AKAP8: variants seen among roughly 807,000 people sequenced by gnomAD.
AKAP8 encodes the protein A-kinase anchor protein 8.
In AKAP8, 24 loss-of-function variants were observed where a neutral mutation model predicts 67.5. The observed-to-expected ratio is 0.36, with a 90% CI of 0.26 to 0.50. The LOEUF (loss-of-function observed/expected upper bound fraction) is 0.50, where lower values mean the gene tolerates loss of function less well. Among genes scored for constraint, AKAP8 ranks in the 20% least tolerant of loss-of-function variants. AKAP8 has a pLI of 0.97. For synonymous variants in AKAP8, 400 were observed against 371.1 expected, an observed-to-expected ratio of 1.08 and a Z score of -0.90; for missense variants, 971 against 955.9, an observed-to-expected ratio of 1.02 and a Z score of -0.21.
At chr19:15,373,636 C>T (rs1967201042) in intron 4 of AKAP8, 150 bp downstream of exon 4, 19 of 1,065,920 alleles carry the variant, frequency 1.8e-5, no homozygotes, top group Admixed American at 2.9e-5. Context: ...CCTACTGTAA[C>T]ATCACTGACC....
intron 7 of AKAP8, among the ~76,000 whole-genome samples, chr19:15,370,632 T>TTC (rs1304926407): frequency 7.3e-6 from 1 of 137,748 alleles, no homozygotes; most frequent in East Asian, 2.2e-4. Flanking sequence ...TGTCTTTTTT[T>TTC]TTTTTTTTTT....
rs542980926 is a variant in AKAP8, at chr19:15,369,919, A to G, written c.1072+227T>C. On this transcript the variant is annotated intron_variant, in intron 8 of 13. Transcript: ENST00000269701. The surrounding 1 kb of genome is among the most constrained non-coding windows in gnomAD (Gnocchi z 4.6). ...GCCCCCCATCCCCACTGCAGCCCAC[A>G]TCGGGTCAGGCAGACAGACCCGTTT... is the stretch of plus-strand genomic sequence containing the variant. Among the ~76,000 whole-genome samples the G allele has an allele frequency of 1.9e-3, 292 of 152,284 alleles. 1 individual carries two copies. Among genetic ancestry groups the G allele is most frequent in the African/African-American group, 6.3e-3 (263 of 41,548 alleles).
chr19:15,376,476 CTG>C (rs1460064391), intron 2 of AKAP8, among the ~76,000 whole-genome samples: 5 of 151,902 alleles, frequency 3.3e-5, no homozygotes, highest in African/African-American at 4.8e-5. Flanking sequence ...GAGCAAGACT[CTG>C]TATCAAAAGA....
chr19:15,372,156 G>C (rs568948754), intron 6 of AKAP8, 62 bp downstream of exon 6: 1 of 1,608,890 alleles, frequency 6.2e-7, no homozygotes, highest in African/African-American at 1.3e-5. Context: ...GGCAAGCAGA[G>C]CCCCCAGCAG....
intron 1 of AKAP8, among the ~76,000 whole-genome samples, 196 bp from the exon 2 acceptor site, chr19:15,377,210 A>G (rs934115511): frequency 4.6e-5 from 7 of 152,148 alleles, no homozygotes; most frequent in Non-Finnish European, 8.8e-5. Flanking sequence ...CTGAGATCAA[A>G]GCAGAAAAAG....
At chr19:15,377,506 T>A (rs1442167578) in intron 1 of AKAP8, among the ~76,000 whole-genome samples, 1 of 152,192 alleles carries the variant, frequency 6.6e-6, no homozygotes, top group East Asian at 1.9e-4. Context: ...TCTTGCTCTG[T>A]TGCCCAGGTT....
At chr19:15,358,547 A>G (rs1389981379) in intron 13 of AKAP8, among the ~76,000 whole-genome samples, 1 of 151,912 alleles carries the variant, frequency 6.6e-6, no homozygotes, top group Non-Finnish European at 1.5e-5. Context: ...CAGTCTTGCT[A>G]TGTTACCCAG....
intron 9 of AKAP8, among the ~76,000 whole-genome samples, chr19:15,364,224 C>A (rs1301450077): frequency 1.5e-5 from 2 of 132,536 alleles, no homozygotes; most frequent in Non-Finnish European, 3.1e-5. Flanking sequence ...TGCAATGGTG[C>A]GATCTCAGCT....
Position 15,354,885 on chromosome 19 carries a change from A to T in AKAP8, c.*30T>A, listed in dbSNP as rs1335086058. The T allele has an allele frequency of 6.2e-7, 1 of 1,608,384 alleles. No homozygotes were observed. The highest frequency in any genetic ancestry group is 8.5e-7 in the Non-Finnish European group (1 of 1,176,540). ...GAAAGACCAACGCATCCATCATCCCAACGCCTTCCCTGGAACAGGGAAATG... is the reference window on the plus strand; with the variant it reads ...GAAAGACCAACGCATCCATCATCCCTACGCCTTCCCTGGAACAGGGAAATG... On this transcript the variant is annotated 3_prime_UTR_variant, in exon 14 of 14. Transcript: ENST00000269701.
At chr19:15,363,864 C>A (rs894088976) in intron 9 of AKAP8, among the ~76,000 whole-genome samples, 27 of 151,496 alleles carry the variant, frequency 1.8e-4, no homozygotes, top group Non-Finnish European at 3.4e-4. Context: ...TTACCCCCAA[C>A]CCTGTGCTCT....
rs1568257198 is a variant in AKAP8, at chr19:15,379,744, G to C, written c.-13C>G. On this transcript the variant is annotated 5_prime_UTR_variant, in exon 1 of 14. Coordinates refer to ENST00000269701, the MANE Select transcript of AKAP8 (RefSeq NM_005858.4). ...AGCCCTGGTCCATGTCTTCGACGCG[G>C]CCCACCAGCAGCCCCGTTTACTAGG... 1 of 1,611,056 alleles carries C rather than the reference G, an allele frequency of 6.2e-7. No homozygotes were observed. The highest frequency in any genetic ancestry group is 1.7e-5 in the Admixed American group (1 of 59,714).
intron 3 of AKAP8, 147 bp downstream of exon 3, chr19:15,374,456 T>C (rs1045688533): frequency 7.3e-6 from 7 of 958,702 alleles, no homozygotes; most frequent in South Asian, 1.7e-5. Context: ...AGTCCCCCCA[T>C]ATACACAACA....
Position 15,354,946 on chromosome 19 carries a change from G to T in AKAP8, c.2048C>A (p.Ala683Glu). ...AADAEVEQTD[A>E]ESKDAVPTE ...TGTGGGAACAGCGTCTTTAGACTCT[G>T]CATCAGTTTGTTCCACTTCAGCATC... The change falls in exon 14 of 14, where the codon GCA becomes GAA. Residue 683 changes from alanine to glutamate, a missense_variant. This residue lies in a region of AKAP8 where 204 missense variants were observed against 193.0 expected (regional missense o/e 1.06). Transcript: ENST00000269701. 1 of 1,614,148 alleles carries T rather than the reference G, an allele frequency of 6.2e-7. No homozygotes were observed. The highest frequency in any genetic ancestry group is 8.5e-7 in the Non-Finnish European group (1 of 1,180,050).
intron 5 of AKAP8, 141 bp downstream of exon 5, chr19:15,372,710 G>A: frequency 8.1e-7 from 1 of 1,232,614 alleles, no homozygotes; most frequent in African/African-American, 1.5e-5. Context: ...GGGGATGGTT[G>A]CACAATCCTG....
intron 7 of AKAP8, among the ~76,000 whole-genome samples, chr19:15,370,892 A>G (rs1390635586): frequency 6.6e-6 from 1 of 152,078 alleles, no homozygotes; most frequent in Non-Finnish European, 1.5e-5. Flanking sequence ...GGCCTCCCAA[A>G]GTGCTGGGAT....
intron 9 of AKAP8, among the ~76,000 whole-genome samples, chr19:15,363,429 C>A (rs1967011691): frequency 6.8e-6 from 1 of 147,812 alleles, no homozygotes; most frequent in Non-Finnish European, 1.5e-5. Flanking sequence ...GCCGCCCCTA[C>A]TGGGAAGTGA....
chr19:15,368,441 C>A, intron 8 of AKAP8, 119 bp from the exon 9 acceptor site: 1 of 1,575,358 alleles, frequency 6.3e-7, no homozygotes, highest in Non-Finnish European at 8.6e-7. Flanking sequence ...ACTGCCTGCA[C>A]CACGCGGCAG....
chr19:15,366,030 T>TA lies in AKAP8; in HGVS notation c.1160+2204dup, dbSNP rs1182056982. Among the ~76,000 whole-genome samples, 271 of 52,610 alleles carry TA rather than the reference T, an allele frequency of 5.2e-3. 6 individuals are homozygous for TA. In the South Asian group the frequency reaches 0.054, roughly 10 times the overall value. The allele number at this position is 52,610 out of a possible 152,430, so 34.5% of individuals were successfully genotyped here. A position where few individuals can be genotyped will look rare whatever the true frequency, so the allele number is the denominator to read the frequency against. ...CACAGCAAGACTCCATCTCAAAGGATAAAAAAAAAAAAAAAGAAAAAGATC... is the reference window on the plus strand; with the variant it reads ...CACAGCAAGACTCCATCTCAAAGGATAAAAAAAAAAAAAAAAGAAAAAGATC... On this transcript the variant is annotated intron_variant, in intron 9 of 13. Coordinates refer to ENST00000269701, the MANE Select transcript of AKAP8 (RefSeq NM_005858.4).
At chr19:15,373,418 C>A in intron 4 of AKAP8, 78 bp from the exon 5 acceptor site, 2 of 1,481,316 alleles carry the variant, frequency 1.4e-6, no homozygotes, top group Admixed American at 5.0e-5. Flanking sequence ...AACCTCGACG[C>A]CCCTACATTC....
Sources: allele counts gnomAD v4.1 joint callset (sites outside exome capture counted in the v4.1 genomes callset), GRCh38; gene constraint gnomAD v4.1.1; regional missense constraint gnomAD v4.1.1; non-coding constraint Gnocchi (gnomAD v3.1); transcripts MANE v1.5; gene names NCBI Gene and HGNC (gene_info 2026-07-23, HGNC 2026-07-21).